The following NBAS variants were observed in gnomAD, a reference collection of about 807,000 sequenced individuals.
NBAS encodes the protein NBAS subunit of NRZ tethering complex, also known as NAG/BC035112 fusion.
In NBAS, 219 loss-of-function variants were observed where a neutral mutation model predicts 302.5. The observed-to-expected ratio is 0.72, with a 90% CI of 0.65 to 0.81. The LOEUF (loss-of-function observed/expected upper bound fraction) is 0.81, where lower values mean the gene tolerates loss of function less well. NBAS is among the 30% of genes least tolerant of loss of function. The pLI is 0.00. For missense variants in NBAS, 2,932 were observed against 2,841.6 expected, an observed-to-expected ratio of 1.03 and a Z score of -0.72; for synonymous variants, 1,118 against 1,021.6, an observed-to-expected ratio of 1.09 and a Z score of -1.80.
chr2:14,800,795 T>TG, the NBAS span, among the ~76,000 whole-genome samples: 9 of 151,022 alleles, frequency 6.0e-5, no homozygotes, highest in African/African-American at 2.2e-4. Context: ...GTTTTTGTTT[T>TG]TTTTTTTTTA....
intron 9 of NBAS, among the ~76,000 whole-genome samples, chr2:15,528,223 G>A (rs902164420): frequency 4.0e-5 from 6 of 151,532 alleles, no homozygotes; most frequent in Admixed American, 6.6e-5. Flanking sequence ...GCAAGCCCAC[G>A]TGCTACCTAC....
chr2:14,844,349 G>A, the NBAS span, among the ~76,000 whole-genome samples: 1 of 152,086 alleles, frequency 6.6e-6, no homozygotes, highest in Admixed American at 6.5e-5. Flanking sequence ...AGTCCCAGCA[G>A]GACTCATAAT....
At position 15,328,439 on chromosome 2, in the gene NBAS, A is replaced by G; in HGVS notation, c.4348-127T>C. The G allele has an allele frequency of 1.0e-5, 8 of 776,642 alleles. No individual in the cohort carries two copies. In the South Asian group the frequency reaches 1.2e-4, roughly 12 times the overall value. The allele number at this position is 776,642 out of a possible 1,614,324, so 48.1% of individuals were successfully genotyped here. On this transcript the variant is annotated intron_variant, in intron 36 of 51. Transcript: ENST00000281513. ...AGGCTGATTTCAAAAGAAACTGGTA[A>G]TGCCTGCTGCATTTCCCACGACCTA... is the stretch of plus-strand genomic sequence containing the variant.
rs1662483759 is a variant in NBAS, at chr2:15,518,042, C to T, written c.747-6692G>A. ...TTCTCTGTACTTCTCCTTCTCTCTC[C>T]CTTTTTTTTAAACTTAAAAAGAAGA... is the stretch of plus-strand genomic sequence containing the variant. On this transcript the variant is annotated intron_variant, in intron 9 of 51. Transcript: ENST00000281513. Among the ~76,000 whole-genome samples the T allele has an allele frequency of 2.6e-5, 4 of 151,766 alleles. No homozygotes were observed. The South Asian group carries it at 8.3e-4, about 32-fold the overall frequency.
intron 1 of NBAS, among the ~76,000 whole-genome samples, chr2:15,558,941 T>C (rs1664776066): frequency 6.6e-6 from 1 of 150,874 alleles, no homozygotes; most frequent in East Asian, 2.0e-4. Flanking sequence ...TGGCGGTGCA[T>C]GCCTATAGTC....
At chr2:15,290,014 AAGAAGAGAGGAGAAG>A (rs1670230613) in intron 41 of NBAS, among the ~76,000 whole-genome samples, 1 of 150,974 alleles carries the variant, frequency 6.6e-6, no homozygotes, top group Admixed American at 6.6e-5. Context: ...GAAAAGAAAA[AAGAAGAGAGGAGAAG>A]AGAGGAGAGG....
rs572032187 is a variant in NBAS, at chr2:15,179,131, C to G, written c.6712-15G>C. ...TCCTTCACACCCTGAAACCACAGAG[C>G]AGGGGTGAGCGAGAACTCCACGACG... On this transcript the variant is annotated splice_polypyrimidine_tract_variant and intron_variant, in intron 50 of 51. Transcript: ENST00000281513. The G allele has an allele frequency of 6.2e-7, 1 of 1,613,938 alleles. No homozygotes were observed. The highest frequency in any genetic ancestry group is 1.1e-5 in the South Asian group (1 of 91,074).
chr2:15,024,712 T>C, the NBAS span, among the ~76,000 whole-genome samples: 1 of 152,240 alleles, frequency 6.6e-6, no homozygotes, highest in Admixed American at 6.5e-5. Flanking sequence ...ATTTCTCCAA[T>C]GATTAGTGAT....
chr2:15,124,454 A>G, the NBAS span, among the ~76,000 whole-genome samples: 1 of 152,258 alleles, frequency 6.6e-6, no homozygotes, highest in Non-Finnish European at 1.5e-5. Flanking sequence ...AAAGAATCCA[A>G]GCAGGCTGTA....
the NBAS span, among the ~76,000 whole-genome samples, chr2:15,097,022 A>G: frequency 6.6e-6 from 1 of 152,324 alleles, no homozygotes; most frequent in African/African-American, 2.4e-5. Flanking sequence ...GTGGGCAGAC[A>G]GAGAAGAGAA....
the NBAS span, among the ~76,000 whole-genome samples, chr2:15,155,844 G>A: frequency 6.6e-6 from 1 of 152,180 alleles, no homozygotes; most frequent in Non-Finnish European, 1.5e-5. Context: ...TTCCTACAGA[G>A]CCTGGCTCCA....
chr2:15,126,426 G>A, the NBAS span, among the ~76,000 whole-genome samples: 3 of 152,286 alleles, frequency 2.0e-5, no homozygotes, highest in African/African-American at 7.2e-5. Context: ...GAATGGGGAA[G>A]ACACAGGGAA....
chr2:14,957,590 G>T, the NBAS span, among the ~76,000 whole-genome samples: 2 of 152,056 alleles, frequency 1.3e-5, no homozygotes, highest in African/African-American at 4.8e-5. Context: ...CTTGGGGAAG[G>T]TTCCTACCCA....
chr2:15,103,288 G>A, the NBAS span, among the ~76,000 whole-genome samples: 2 of 151,924 alleles, frequency 1.3e-5, no homozygotes, highest in Non-Finnish European at 2.9e-5. Flanking sequence ...AATCTTTACT[G>A]ATATCTCACC....
At chr2:15,039,318 C>T in the NBAS span, among the ~76,000 whole-genome samples, 2 of 152,202 alleles carry the variant, frequency 1.3e-5, no homozygotes, top group Non-Finnish European at 2.9e-5. Flanking sequence ...CAGCCCCCAG[C>T]TTCCTGTGCT....
chr2:14,918,084 A>G, the NBAS span, among the ~76,000 whole-genome samples: 1 of 152,128 alleles, frequency 6.6e-6, no homozygotes, highest in Non-Finnish European at 1.5e-5. Flanking sequence ...CTTGTGAATA[A>G]AGGAGTAGGA....
chr2:15,100,248 A>G, the NBAS span, among the ~76,000 whole-genome samples: 1 of 152,198 alleles, frequency 6.6e-6, no homozygotes, highest in Non-Finnish European at 1.5e-5. Context: ...ATTGAAGAAG[A>G]CACAGTCTTA....
the NBAS span, among the ~76,000 whole-genome samples, chr2:14,785,200 C>A: frequency 7.9e-5 from 12 of 152,134 alleles, no homozygotes; most frequent in African/African-American, 2.9e-4. Flanking sequence ...AGGTGCTTAT[C>A]AGCTTAAGGA....
chr2:15,214,401 T>C (rs1021112184), intron 48 of NBAS, among the ~76,000 whole-genome samples: 3 of 152,198 alleles, frequency 2.0e-5, no homozygotes, highest in Admixed American at 6.5e-5. Context: ...GTGGTTAATT[T>C]AGGCTGTATA....
Sources: allele counts gnomAD v4.1 joint callset (sites outside exome capture counted in the v4.1 genomes callset), GRCh38; gene constraint gnomAD v4.1.1; transcripts MANE v1.5; gene names NCBI Gene and HGNC (gene_info 2026-07-23, HGNC 2026-07-21).